Variants in RAF1 observed in about 807,000 individuals in gnomAD.
RAF1 encodes Raf-1 proto-oncogene, serine/threonine kinase.
A neutral mutation model predicts 81.1 loss-of-function variants in RAF1; 27 were observed. That is an observed-to-expected ratio of 0.33 (90% confidence interval 0.25 to 0.46). The LOEUF (loss-of-function observed/expected upper bound fraction) is 0.46, where lower values mean the gene tolerates loss of function less well. RAF1 is among the 20% of genes least tolerant of loss of function. The pLI, the probability that RAF1 is intolerant of heterozygous loss-of-function variation, is 1.00. For missense variants in RAF1, 598 were observed against 826.0 expected, an observed-to-expected ratio of 0.72 and a Z score of 3.38; for synonymous variants, 298 against 294.0, an observed-to-expected ratio of 1.01 and a Z score of -0.14.
In RAF1 at chr3:12,599,534, G is replaced by C. The variant is rs5746227; in HGVS notation, c.1168+157C>G. On this transcript the variant is annotated intron_variant, in intron 11 of 17. Transcript: ENST00000442415. ...GCTTTATAAGAACTTAGTCTAAAAA[G>C]AATTAAGTTCAATCTTCAGGTATAA... 7.8e-3 allele frequency among the ~76,000 whole-genome samples: 1,180 copies of C among 152,234 alleles called. 12 individuals carry two copies. The highest frequency in any genetic ancestry group is 0.026 in the African/African-American group (1,069 of 41,540).
chr3:12,604,102 G>T (rs2125396522), intron 7 of RAF1, 34 bp downstream of exon 7: 5 of 1,612,540 alleles, frequency 3.1e-6, no homozygotes, highest in South Asian at 2.2e-5. Context: ...CCCATTAATT[G>T]ACTGACATTA....
chr3:12,650,729 C>T lies in RAF1; in HGVS notation c.-27+13084G>A, dbSNP rs147625545. Among the ~76,000 whole-genome samples, 12 of 152,262 alleles carry T rather than the reference C, an allele frequency of 7.9e-5. No individual in the cohort carries two copies. In the East Asian group the frequency reaches 1.4e-3, roughly 17 times the overall value. On this transcript the variant is annotated intron_variant, in intron 1 of 17. Coordinates refer to ENST00000442415, the MANE Select transcript of RAF1 (RefSeq NM_001354689.3). The stretch of plus-strand genomic sequence containing the variant: ...TTAAAGTAGAAGTAAAAACCACCAC[C>T]GTTTAACAAAAATTGAATATGTGCT...
At chr3:12,620,920 GTTCAGAGTTCAGTTCA>G (rs1344295728) in intron 1 of RAF1, among the ~76,000 whole-genome samples, 1 of 151,328 alleles carries the variant, frequency 6.6e-6, no homozygotes. Context: ...TTCATTCAGA[GTTCAGAGTTCAGTTCA>G]TTCAGAGTTC....
intron 1 of RAF1, among the ~76,000 whole-genome samples, chr3:12,655,843 T>G (rs2060673235): frequency 6.6e-6 from 1 of 151,844 alleles, no homozygotes; most frequent in African/African-American, 2.4e-5. Context: ...AGTGTATGAC[T>G]CCCCTTACAT....
chr3:12,600,415 C>T lies in RAF1; in HGVS notation c.895G>A (p.Asp299Asn), dbSNP rs368796800. 32 of 1,614,086 alleles carry T rather than the reference C, an allele frequency of 2.0e-5. No individual in the cohort carries two copies. Among genetic ancestry groups the T allele is most frequent in the South Asian group, 1.8e-4 (16 of 91,076 alleles). ...GATTCGCTGTGACTTCGAATTGCAT[C>T]CTGAAACAGAAAAGGAAAGCTGGTC... Residue 299 changes from aspartate (D) to asparagine (N), a missense_variant and splice_region_variant, in exon 9 of 18, where the codon GAT (aspartate) becomes AAT (asparagine). Coordinates refer to ENST00000442415, the MANE Select transcript of RAF1 (RefSeq NM_001354689.3).
At chr3:12,625,812 C>T (rs929770131) in intron 1 of RAF1, among the ~76,000 whole-genome samples, 16 of 152,294 alleles carry the variant, frequency 1.1e-4, no homozygotes, top group Non-Finnish European at 1.9e-4. Context: ...CTGGGCAACA[C>T]AGTGAGATCA....
intron 1 of RAF1, among the ~76,000 whole-genome samples, chr3:12,635,341 A>T (rs1044902784): frequency 3.4e-5 from 5 of 145,734 alleles, no homozygotes; most frequent in Non-Finnish European, 7.5e-5. Context: ...AAAAAAAAAA[A>T]AAAAAAAAAA....
chr3:12,599,699 T>C lies in RAF1; in HGVS notation c.1160A>G (p.Lys387Arg). The C allele has an allele frequency of 6.2e-7, 1 of 1,613,756 alleles. No homozygotes were observed. The highest frequency in any genetic ancestry group is 8.5e-7 in the Non-Finnish European group (1 of 1,179,716). ...GAGGGCCCCAAGCTTACCGTGCCAT[T>C]TACCCTTATAAACAGTTCCAAAAGA... Residue 387 changes from lysine (K) to arginine (R), a missense_variant, in exon 11 of 18, where the codon AAA (lysine) becomes AGA (arginine). By Grantham distance (26) the Lys-to-Arg change is conservative (BLOSUM62 2). Coordinates refer to ENST00000442415, the MANE Select transcript of RAF1 (RefSeq NM_001354689.3).
At chr3:12,617,346 C>CTCT (rs1355848285) in intron 2 of RAF1, among the ~76,000 whole-genome samples, 1 of 152,088 alleles carries the variant, frequency 6.6e-6, no homozygotes, top group African/African-American at 2.4e-5. Flanking sequence ...AACTCCTGAC[C>CTCT]TCAAGTAATG....
At chr3:12,647,295 CAAAA>C (rs35322564) in intron 1 of RAF1, among the ~76,000 whole-genome samples, 5 of 140,790 alleles carry the variant, frequency 3.6e-5, no homozygotes, top group Admixed American at 1.4e-4. Context: ...GACTCCATCT[CAAAA>C]AAAAAAAAAA....
At chr3:12,599,527 C>G (rs2058790554) in intron 11 of RAF1, among the ~76,000 whole-genome samples, 164 bp downstream of exon 10, 1 of 152,144 alleles carries the variant, frequency 6.6e-6, no homozygotes, top group South Asian at 2.1e-4. Flanking sequence ...AGAACTTAGT[C>G]TAAAAAGAAT....
intron 1 of RAF1, among the ~76,000 whole-genome samples, chr3:12,636,544 G>A (rs2060038589): frequency 6.6e-6 from 1 of 151,660 alleles, no homozygotes; most frequent in Admixed American, 6.6e-5. Context: ...GGTGGCTCAT[G>A]CCTGTAATCC....
At chr3:12,594,678 A>T (rs1002676889) in intron 11 of RAF1, among the ~76,000 whole-genome samples, 4 of 152,152 alleles carry the variant, frequency 2.6e-5, no homozygotes, top group Non-Finnish European at 2.9e-5. Context: ...AATGAATATG[A>T]CTTATCTCTG....
chr3:12,641,107 G>A (rs1489356928), intron 1 of RAF1, among the ~76,000 whole-genome samples: 2 of 151,338 alleles, frequency 1.3e-5, no homozygotes, highest in South Asian at 2.1e-4. Flanking sequence ...GCAAACTATT[G>A]CAAGGACAGA....
At chr3:12,655,118 G>A (rs143840487) in intron 1 of RAF1, among the ~76,000 whole-genome samples, 2 of 152,062 alleles carry the variant, frequency 1.3e-5, no homozygotes, top group East Asian at 3.9e-4. Context: ...TTGAGACGAA[G>A]TCTCACTCTT....
intron 1 of RAF1, among the ~76,000 whole-genome samples, chr3:12,657,353 G>T (rs191074922): frequency 6.6e-6 from 1 of 152,100 alleles, no homozygotes; most frequent in South Asian, 2.1e-4. Context: ...AAGGAAGCTG[G>T]GTAGCTAGAG....
intron 1 of RAF1, among the ~76,000 whole-genome samples, chr3:12,663,208 C>G (rs1216883679): frequency 6.6e-6 from 1 of 152,224 alleles, no homozygotes; most frequent in African/African-American, 2.4e-5. Context: ...AAAGACAGCC[C>G]TGGCTCTTCA....
At chr3:12,626,244 CAAAA>C (rs201895405) in intron 1 of RAF1, among the ~76,000 whole-genome samples, 3 of 104,232 alleles carry the variant, frequency 2.9e-5, no homozygotes, top group Non-Finnish European at 3.9e-5. Context: ...AACTCTGTCT[CAAAA>C]AAAAAAAAAA....
At chr3:12,593,786 C>CTTTTTTTTTTTT (rs756831846) in intron 11 of RAF1, among the ~76,000 whole-genome samples, 3 of 111,284 alleles carry the variant, frequency 2.7e-5, no homozygotes, top group African/African-American at 6.3e-5. Context: ...GGAGTAAATC[C>CTTTTTTTTTTTT]TTTTTTTTTT....
Sources: gnomAD v4.1 joint callset for allele counts (sites outside exome capture counted in the v4.1 genomes callset) on GRCh38, gnomAD v4.1.1 for gene constraint, MANE v1.5 for transcripts, NCBI Gene and HGNC (gene_info 2026-07-23, HGNC 2026-07-21) for gene names.